PDE7B: variants seen among roughly 807,000 people sequenced by gnomAD.
PDE7B encodes phosphodiesterase 7B, also known as 3',5'-cyclic-AMP phosphodiesterase 7B.
In PDE7B, 29 loss-of-function variants were observed where a neutral mutation model predicts 56.2. The ratio of observed to expected loss-of-function variants is 0.52; its 90% CI spans 0.38 to 0.70. PDE7B has a LOEUF of 0.70. Ranked by LOEUF, PDE7B falls within the 30% of genes least tolerant of loss-of-function variation. The pLI is 0.00. For missense variants in PDE7B, 490 were observed against 565.0 expected (o/e 0.87, Z 1.35); for synonymous variants, 197 against 196.9 (o/e 1.00, Z 0.00).
chr6:136,002,708 C>T (rs1026913632), intron 2 of PDE7B, among the ~76,000 whole-genome samples: 8 of 152,190 alleles, frequency 5.3e-5, no homozygotes, highest in South Asian at 2.1e-4. Flanking sequence ...AAGCAAGTCC[C>T]TAGTGACCTA....
chr6:136,126,537 A>G (rs1778025822), intron 3 of PDE7B, among the ~76,000 whole-genome samples: 1 of 152,198 alleles, frequency 6.6e-6, no homozygotes, highest in Admixed American at 6.5e-5. Flanking sequence ...CAACTGCAAA[A>G]ATGTGGAACC....
chr6:136,024,854 G>A (rs984945096), intron 2 of PDE7B, among the ~76,000 whole-genome samples: 1 of 152,182 alleles, frequency 6.6e-6, no homozygotes, highest in Non-Finnish European at 1.5e-5. Flanking sequence ...ATGGAAGTGG[G>A]AGGTTTGACC....
At chr6:136,104,399 A>G (rs1777614558) in intron 2 of PDE7B, among the ~76,000 whole-genome samples, 1 of 152,186 alleles carries the variant, frequency 6.6e-6, no homozygotes, top group South Asian at 2.1e-4. Flanking sequence ...ATAAGGCCTT[A>G]GGTAAATAGA....
intron 2 of PDE7B, among the ~76,000 whole-genome samples, chr6:136,051,341 C>T (rs1010323388): frequency 1.3e-5 from 2 of 152,162 alleles, no homozygotes; most frequent in African/African-American, 2.4e-5. Context: ...ATTCTTTTGA[C>T]GTCAGCAGTT....
intron 1 of PDE7B, among the ~76,000 whole-genome samples, chr6:135,943,479 G>A (rs1774541577): frequency 6.6e-6 from 1 of 152,168 alleles, no homozygotes; most frequent in African/African-American, 2.4e-5. Flanking sequence ...CAATGAGCAG[G>A]TCAAAAGTAG....
intron 2 of PDE7B, among the ~76,000 whole-genome samples, chr6:135,952,963 A>G (rs1459933254): frequency 1.3e-5 from 2 of 152,162 alleles, no homozygotes; most frequent in Non-Finnish European, 2.9e-5. Context: ...GGTAGTATTA[A>G]GTACAGCCAT....
At chr6:135,980,091 A>T (rs199524915) in intron 2 of PDE7B, among the ~76,000 whole-genome samples, 1 of 150,826 alleles carries the variant, frequency 6.6e-6, no homozygotes, top group Non-Finnish European at 1.5e-5. Context: ...ACCAAAACAG[A>T]GATATAGATC....
intron 2 of PDE7B, among the ~76,000 whole-genome samples, chr6:135,962,641 A>T (rs1003734722): frequency 2.6e-5 from 4 of 152,112 alleles, no homozygotes; most frequent in Admixed American, 2.0e-4. Flanking sequence ...ACATCTCCCA[A>T]GTATAAAGGT....
intron 1 of PDE7B, among the ~76,000 whole-genome samples, chr6:135,865,844 T>TAG (rs1583715896): frequency 1.3e-5 from 2 of 152,290 alleles, no homozygotes; most frequent in East Asian, 3.9e-4. Context: ...TAATAAGAAG[T>TAG]CTGCAGCTAT....
intron 2 of PDE7B, among the ~76,000 whole-genome samples, chr6:136,002,650 A>G (rs1775694215): frequency 3.3e-5 from 5 of 152,202 alleles, no homozygotes; most frequent in Admixed American, 2.6e-4. Flanking sequence ...AGAAGAGCTA[A>G]CTCTCCTAAA....
intron 2 of PDE7B, among the ~76,000 whole-genome samples, chr6:135,953,712 G>A (rs916423621): frequency 1.3e-5 from 2 of 152,082 alleles, no homozygotes; most frequent in South Asian, 2.1e-4. Flanking sequence ...TTTGGTTCAA[G>A]TGAATAGATA....
At position 136,085,836 on chromosome 6, in the gene PDE7B, A is replaced by G. The variant is rs985269819; in HGVS notation, c.83-22895A>G. ...TAACTGACTAGGCCACAGGGAGATG[A>G]GAGTGTGACTGAGGAGCACAGGCCA... On this transcript the variant is annotated intron_variant, in intron 2 of 12. Coordinates refer to ENST00000308191, the MANE Select transcript of PDE7B (RefSeq NM_018945.4). Among the ~76,000 whole-genome samples the G allele has an allele frequency of 3.9e-5, 6 of 152,338 alleles. No homozygotes were observed. The East Asian group carries it at 5.8e-4, about 15-fold the overall frequency.
At chr6:135,885,873 A>G (rs1775699350) in intron 1 of PDE7B, among the ~76,000 whole-genome samples, 1 of 151,944 alleles carries the variant, frequency 6.6e-6, no homozygotes, top group African/African-American at 2.4e-5. Flanking sequence ...CATAACTGTT[A>G]AGACAAGATG....
chr6:136,017,515 G>A (rs984744627), intron 2 of PDE7B, among the ~76,000 whole-genome samples: 16 of 105,406 alleles, frequency 1.5e-4, no homozygotes, highest in South Asian at 1.1e-3. Flanking sequence ...GACAGGCCCC[G>A]GTGTGTGATG....
At chr6:136,021,054 A>T (rs542235499) in intron 2 of PDE7B, among the ~76,000 whole-genome samples, 1 of 152,218 alleles carries the variant, frequency 6.6e-6, no homozygotes, top group South Asian at 2.1e-4. Context: ...TTTAGGGTGG[A>T]TGAGATAAGA....
intron 10 of PDE7B, among the ~76,000 whole-genome samples, chr6:136,180,675 T>C (rs774778250): frequency 9.2e-5 from 14 of 152,194 alleles, no homozygotes; most frequent in Non-Finnish European, 1.9e-4. Context: ...GCATCTCAGA[T>C]CCAGACCAGT....
intron 9 of PDE7B, among the ~76,000 whole-genome samples, chr6:136,175,424 A>G (rs1477465893): frequency 6.6e-6 from 1 of 152,156 alleles, no homozygotes; most frequent in African/African-American, 2.4e-5. Flanking sequence ...TAAGGGCCAA[A>G]AACAGGAGAC....
At chr6:135,888,190 T>G (rs1442533149) in intron 1 of PDE7B, among the ~76,000 whole-genome samples, 1 of 152,194 alleles carries the variant, frequency 6.6e-6, no homozygotes, top group Non-Finnish European at 1.5e-5. Flanking sequence ...TTTTATAAAC[T>G]GAGGCTTACA....
chr6:136,144,161 A>G (rs533920912), intron 3 of PDE7B, among the ~76,000 whole-genome samples: 2 of 151,890 alleles, frequency 1.3e-5, no homozygotes, highest in South Asian at 4.2e-4. Context: ...ATGTAGCAAA[A>G]CTCCTTAAAA....
Sources: gnomAD v4.1 joint callset for allele counts (sites outside exome capture counted in the v4.1 genomes callset) on GRCh38, gnomAD v4.1.1 for gene constraint, MANE v1.5 for transcripts, NCBI Gene and HGNC (gene_info 2026-07-23, HGNC 2026-07-21) for gene names.